The following VSIG1 variants were observed in gnomAD, a reference collection of about 807,000 sequenced individuals.
VSIG1 encodes the protein V-set and immunoglobulin domain containing 1.
A neutral mutation model predicts 20.1 loss-of-function variants in VSIG1; 11 were observed. The observed-to-expected ratio is 0.55, with a 90% CI of 0.34 to 0.91. The LOEUF (loss-of-function observed/expected upper bound fraction) is 0.91, where lower values mean the gene tolerates loss of function less well. VSIG1 is among the 40% of genes least tolerant of loss of function. The pLI, the probability that VSIG1 is intolerant of heterozygous loss-of-function variation, is 0.02. For missense variants in VSIG1, 283 were observed against 298.8 expected (o/e 0.95, Z 0.39); for synonymous variants, 126 against 116.7 (o/e 1.08, Z -0.52).
chrX:108,063,518 A>G (rs1424095494), intron 2 of VSIG1, among the ~76,000 whole-genome samples: 1 of 110,890 alleles, frequency 9.0e-6, no homozygotes, highest in Non-Finnish European at 1.9e-5. Context: ...TGTTTGTTTC[A>G]ACAGTTCGAA....
At chrX:108,045,053 AT>A, upstream of VSIG1, 2 of 924,321 alleles carry the variant, frequency 2.2e-6, no homozygotes, top group South Asian at 6.5e-5. Context: ...CCTCGGTGTG[AT>A]CGAAGAAGCC....
At chrX:108,029,113 A>G in the VSIG1 span, among the ~76,000 whole-genome samples, 1 of 112,562 alleles carries the variant, frequency 8.9e-6, no homozygotes, top group Non-Finnish European at 1.9e-5. Context: ...CAGATAAGAA[A>G]TGAATCATTT....
At chrX:108,039,465 G>A in the VSIG1 span, among the ~76,000 whole-genome samples, 1 of 111,891 alleles carries the variant, frequency 8.9e-6, no homozygotes, top group Non-Finnish European at 1.9e-5. Context: ...AAAGTGCTGG[G>A]ATTACAGACG....
At position 108,072,719 on chromosome X, in the gene VSIG1, A is replaced by G; in HGVS notation, c.455A>G (p.Glu152Gly). The G allele has an allele frequency of 8.3e-7, 1 of 1,211,274 alleles. No homozygotes were observed. Among genetic ancestry groups the G allele is most frequent in the South Asian group, 1.8e-5 (1 of 56,957 alleles). The part of the protein sequence containing the change: ...KPLCSVQGRP[E>G]TGHTISLSCL... ...CTTTGTAGCGTTCAAGGAAGACCAGAAACTGGCCACACTATTTCCCTTTCC... is the reference window on the plus strand; with the variant it reads ...CTTTGTAGCGTTCAAGGAAGACCAGGAACTGGCCACACTATTTCCCTTTCC... The change falls in exon 4 of 7, where the codon GAA becomes GGA. Residue 152 changes from glutamate (E) to glycine (G), a missense_variant. Transcript: ENST00000217957.
intron 1 of VSIG1, among the ~76,000 whole-genome samples, chrX:108,047,973 T>TAC (rs1569287494): frequency 1.2e-4 from 7 of 59,635 alleles, no homozygotes; most frequent in African/African-American, 4.5e-4. Context: ...TATATATATA[T>TAC]ATATATATAT....
upstream of VSIG1, among the ~76,000 whole-genome samples, chrX:108,043,536 G>A (rs5962932): frequency 0.05 from 5,636 of 111,783 alleles, 127 homozygotes; most frequent in East Asian, 0.097. Flanking sequence ...TTTATGCTAG[G>A]GTGGTATGTC....
At chrX:108,044,454 C>G (rs1487190042), upstream of VSIG1, among the ~76,000 whole-genome samples, 1 of 111,693 alleles carries the variant, frequency 9.0e-6, no homozygotes, top group Non-Finnish European at 1.9e-5. Context: ...TGCAAAATTA[C>G]GTTAGCAAAT....
At chrX:108,027,889 A>C in the VSIG1 span, among the ~76,000 whole-genome samples, 2 of 111,182 alleles carry the variant, frequency 1.8e-5, no homozygotes, top group South Asian at 7.8e-4. Context: ...TAGCTACTGG[A>C]TGGAGCAATA....
At chrX:108,029,790 T>A in the VSIG1 span, among the ~76,000 whole-genome samples, 2 of 110,271 alleles carry the variant, frequency 1.8e-5, no homozygotes, top group East Asian at 5.7e-4. Flanking sequence ...GGTCAAAAGG[T>A]GAGAGGAAGG....
intron 2 of VSIG1, among the ~76,000 whole-genome samples, chrX:108,058,597 A>G (rs964040866): frequency 1.8e-5 from 2 of 111,775 alleles, no homozygotes; most frequent in Non-Finnish European, 3.8e-5. Context: ...ATCTCTGCCA[A>G]ATTTAATATC....
At chrX:108,055,623 GGA>G (rs1569289114) in intron 1 of VSIG1, among the ~76,000 whole-genome samples, 40 of 111,488 alleles carry the variant, frequency 3.6e-4, no homozygotes, top group African/African-American at 1.1e-3. Flanking sequence ...TGACCAAATG[GGA>G]TTTATTTCAG....
chrX:108,047,847 T>TATATATACACATATATATAC lies in VSIG1; in HGVS notation c.49+2675_49+2676insCACATATATATACATATATA, dbSNP rs1569287100. On this transcript the variant is annotated intron_variant, in intron 1 of 6. Transcript: ENST00000217957. ...ATATATATACACATATATATATACA[T>TATATATACACATATATATAC]ATATATATACACATATATATATACA... 1.8e-3 allele frequency among the ~76,000 whole-genome samples: 66 copies of TATATATACACATATATATAC among 36,072 alleles called. 1 individual carries two copies. The highest frequency in any genetic ancestry group is 4.3e-3 in the African/African-American group (32 of 7,374). 31.3% of individuals were successfully genotyped at this position (36,072 alleles called of 115,157 possible).
intron 1 of VSIG1, among the ~76,000 whole-genome samples, chrX:108,047,937 CATAT>C (rs1163371858): frequency 0.011 from 362 of 33,561 alleles, 38 homozygotes; most frequent in Non-Finnish European, 0.012. Flanking sequence ...TATATATACA[CATAT>C]ATATATATAT....
the VSIG1 span, among the ~76,000 whole-genome samples, chrX:108,033,546 T>C: frequency 9.0e-6 from 1 of 111,543 alleles, no homozygotes; most frequent in Admixed American, 9.5e-5. Context: ...CCTCCACACT[T>C]TTCTCCTGGG....
chrX:108,047,979 T>TACAC (rs1569287508), intron 1 of VSIG1, among the ~76,000 whole-genome samples: 3 of 66,049 alleles, frequency 4.5e-5, no homozygotes, highest in African/African-American at 1.9e-4. Flanking sequence ...TATATATATA[T>TACAC]ATATATATAT....
chrX:108,045,344 A>G (rs2030550169), intron 1 of VSIG1, among the ~76,000 whole-genome samples, 165 bp downstream of exon 1: 1 of 112,651 alleles, frequency 8.9e-6, no homozygotes, highest in Non-Finnish European at 1.9e-5. Flanking sequence ...AACATATGCC[A>G]TGCTGATATA....
At chrX:108,030,187 A>G in the VSIG1 span, among the ~76,000 whole-genome samples, 2 of 112,035 alleles carry the variant, frequency 1.8e-5, no homozygotes, top group South Asian at 3.8e-4. Context: ...AAAAGGTTCA[A>G]TGCAGAAGAA....
chrX:108,050,973 C>T (rs948941352), intron 1 of VSIG1, among the ~76,000 whole-genome samples: 1 of 110,945 alleles, frequency 9.0e-6, no homozygotes, highest in Non-Finnish European at 1.9e-5. Flanking sequence ...CTAGTCCTGG[C>T]CATTCCTGAT....
chrX:108,064,671 T>C, intron 2 of VSIG1: 1 of 642,526 alleles, frequency 1.6e-6, no homozygotes, highest in Non-Finnish European at 1.9e-6. Context: ...TCATCAAGCA[T>C]CAGTATAAAA....
Sources: allele counts gnomAD v4.1 joint callset (sites outside exome capture counted in the v4.1 genomes callset), GRCh38; gene constraint gnomAD v4.1.1; transcripts MANE v1.5; gene names NCBI Gene and HGNC (gene_info 2026-07-23, HGNC 2026-07-21).